Variants in APLF observed in about 807,000 individuals in gnomAD.
APLF encodes the protein aprataxin and PNKP like factor, also known as aprataxin and PNK-like factor.
Under a neutral mutation model 55.6 loss-of-function variants are expected in APLF, and 61 were observed. The observed-to-expected ratio is 1.10, with a 90% confidence interval of 0.89 to 1.36. APLF has a LOEUF of 1.36. APLF is among the 40% of genes most tolerant of loss of function. The probability of loss-of-function intolerance (pLI) is 0.00; values close to 1 mark genes in which losing one functional copy is unlikely to be tolerated. For missense variants in APLF, 611 were observed against 602.5 expected, an observed-to-expected ratio of 1.01 and a Z score of -0.15; for synonymous variants, 207 against 214.8, an observed-to-expected ratio of 0.96 and a Z score of 0.32.
chr2:68,536,388 T>C (rs1409705761), intron 6 of APLF, among the ~76,000 whole-genome samples: 1 of 152,156 alleles, frequency 6.6e-6, no homozygotes, highest in African/African-American at 2.4e-5. Context: ...ATTTAAGCTA[T>C]TGAATATTAG....
intron 1 of APLF, among the ~76,000 whole-genome samples, chr2:68,474,432 T>C (rs1675711433): frequency 6.6e-6 from 1 of 152,202 alleles, no homozygotes; most frequent in Non-Finnish European, 1.5e-5. Context: ...AGATGTCACT[T>C]AACTCATTAG....
chr2:68,527,638 G>T (rs187199749), intron 6 of APLF, among the ~76,000 whole-genome samples: 1 of 150,770 alleles, frequency 6.6e-6, no homozygotes, highest in Admixed American at 6.6e-5. Context: ...GGGCAGAGGC[G>T]CTCCTCACTT....
At chr2:68,567,908 C>T (rs1410328828) in intron 9 of APLF, among the ~76,000 whole-genome samples, 2 of 152,068 alleles carry the variant, frequency 1.3e-5, no homozygotes, top group Admixed American at 6.6e-5. Flanking sequence ...CTTTGACCCT[C>T]ATGATTCCTA....
chr2:68,494,398 C>G (rs764965312), intron 2 of APLF, among the ~76,000 whole-genome samples: 2 of 151,100 alleles, frequency 1.3e-5, no homozygotes, highest in Non-Finnish European at 2.9e-5. Context: ...AGGGAACTTT[C>G]AATCATGGCA....
rs1443517981 is a variant in APLF, at chr2:68,523,995, T to TA, written c.623-2066_623-2065insA. 2.0e-3 allele frequency among the ~76,000 whole-genome samples: 296 copies of TA among 151,548 alleles called. 1 individual carries two copies. Among genetic ancestry groups the TA allele is most frequent in the African/African-American group, 6.8e-3 (282 of 41,434 alleles). On this transcript the variant is annotated intron_variant, in intron 5 of 9. Coordinates refer to ENST00000303795, the MANE Select transcript of APLF (RefSeq NM_173545.3). Reference sequence around the variant, plus strand: ...ACTTGAGTATTTTAAATATATATATTTTTTAATTTTAGAATTTTGAGTACA... The same window carrying TA: ...ACTTGAGTATTTTAAATATATATATTATTTTAATTTTAGAATTTTGAGTACA...
chr2:68,529,318 G>C lies in APLF; in HGVS notation c.804+3076G>C. ...TGAAGAGGAGTGGGAAACAGCCAAA[G>C]AGTCCTGGGGCAGGCACAGGTGCAG... On this transcript the variant is annotated intron_variant, in intron 6 of 9. Coordinates refer to ENST00000303795, the MANE Select transcript of APLF (RefSeq NM_173545.3). This position sits in a 1 kb window ranked among gnomAD's most constrained non-coding sequence, Gnocchi z 4.4. 7.3e-7 allele frequency: 1 copy of C among 1,364,610 alleles called. No individual in the cohort carries two copies. The highest frequency in any genetic ancestry group is 1.5e-5 in the African/African-American group (1 of 68,300). The allele number at this position is 1,364,610 out of a possible 1,614,324, so 84.5% of individuals were successfully genotyped here.
chr2:68,541,812 CAT>C (rs1193014344), intron 7 of APLF, among the ~76,000 whole-genome samples: 10 of 152,084 alleles, frequency 6.6e-5, no homozygotes, highest in African/African-American at 2.4e-4. Context: ...ATTCTAAAAT[CAT>C]GTGGGATCTC....
At chr2:68,574,503 G>A (rs923157775) in intron 9 of APLF, among the ~76,000 whole-genome samples, 1 of 152,136 alleles carries the variant, frequency 6.6e-6, no homozygotes, top group East Asian at 1.9e-4. Context: ...CTCTTCAAGT[G>A]TTTTCACTTA....
At chr2:68,530,173 G>C (rs1670211312) in intron 6 of APLF, among the ~76,000 whole-genome samples, 1 of 152,248 alleles carries the variant, frequency 6.6e-6, no homozygotes, top group Admixed American at 6.5e-5. Flanking sequence ...TTGAACCCGG[G>C]CTGTGCGATT....
chr2:68,503,545 C>T (rs1280587111), intron 3 of APLF, among the ~76,000 whole-genome samples: 1 of 151,998 alleles, frequency 6.6e-6, no homozygotes, highest in East Asian at 1.9e-4. Flanking sequence ...AGTCAGAAAT[C>T]ATTAACAATA....
At position 68,502,790 on chromosome 2, in the gene APLF, G is replaced by A. The variant is rs745435832; in HGVS notation, c.228G>A (p.Lys76=). 2.5e-6 allele frequency: 4 copies of A among 1,605,380 alleles called. No homozygotes were observed. Among genetic ancestry groups the A allele is most frequent in the South Asian group, 1.1e-5 (1 of 89,302 alleles). The part of the protein sequence containing the change: ...SSEKSQLLPL[K]PNLWCYLNPG... ...AGAAGAGTCAGCTCTTACCATTGAA[G>A]CCAAATCTATGGTGCTATTTGAATC... Residue 76 remains lysine (K), a synonymous_variant, in exon 3 of 10, where the codon AAG becomes AAA. Coordinates refer to ENST00000303795, the MANE Select transcript of APLF (RefSeq NM_173545.3).
At chr2:68,518,293 A>G (rs1268760680) in intron 5 of APLF, among the ~76,000 whole-genome samples, 2 of 115,482 alleles carry the variant, frequency 1.7e-5, no homozygotes, top group East Asian at 2.5e-4. Context: ...ATATTAATAT[A>G]TTAATATATT....
chr2:68,567,613 C>G (rs543538354), intron 9 of APLF, among the ~76,000 whole-genome samples: 17 of 152,084 alleles, frequency 1.1e-4, no homozygotes, highest in Non-Finnish European at 2.4e-4. Context: ...CCTTGTATCT[C>G]TTAGGATTCT....
chr2:68,469,374 A>C (rs1675546624), intron 1 of APLF, among the ~76,000 whole-genome samples: 1 of 152,210 alleles, frequency 6.6e-6, no homozygotes, highest in African/African-American at 2.4e-5. Context: ...GAAACATGGC[A>C]ACAGATTGCA....
intron 3 of APLF, among the ~76,000 whole-genome samples, chr2:68,509,544 T>C (rs371069115): frequency 1.8e-4 from 28 of 151,918 alleles, no homozygotes; most frequent in East Asian, 1.5e-3. Context: ...GTTAGAATGG[T>C]GATCATTAAA....
chr2:68,578,089 T>C lies in APLF; in HGVS notation c.*67T>C, dbSNP rs969725039. ...TCTTTGTGGGAAAACATTTATGAAC[T>C]AAGGAGGTACTTAAGTGACAGTTAT... On this transcript the variant is annotated 3_prime_UTR_variant, in exon 10 of 10. Transcript: ENST00000303795. 2.6e-6 allele frequency: 4 copies of C among 1,531,620 alleles called. No individual in the cohort carries two copies. Among genetic ancestry groups the C allele is most frequent in the Non-Finnish European group, 3.5e-6 (4 of 1,141,730 alleles). 94.9% of individuals were successfully genotyped at this position (1,531,620 alleles called of 1,614,324 possible).
chr2:68,518,776 CATT>C (rs1418013573), intron 5 of APLF, among the ~76,000 whole-genome samples: 181 of 100,538 alleles, frequency 1.8e-3, no homozygotes, highest in African/African-American at 6.9e-3. Flanking sequence ...AATAATATAT[CATT>C]ATATAATAAA....
At chr2:68,499,822 A>G (rs1676666912) in intron 2 of APLF, among the ~76,000 whole-genome samples, 1 of 152,182 alleles carries the variant, frequency 6.6e-6, no homozygotes, top group Non-Finnish European at 1.5e-5. Flanking sequence ...TGGGTAACAG[A>G]GCAAGACTCT....
At chr2:68,546,699 A>G (rs1189039606) in intron 8 of APLF, among the ~76,000 whole-genome samples, 2 of 151,914 alleles carry the variant, frequency 1.3e-5, no homozygotes, top group African/African-American at 2.4e-5. Context: ...ACAAACCAAA[A>G]TCAGCATTCA....
Sources: gnomAD v4.1 joint callset for allele counts (sites outside exome capture counted in the v4.1 genomes callset) on GRCh38, gnomAD v4.1.1 for gene constraint, Gnocchi (gnomAD v3.1) non-coding constraint, MANE v1.5 for transcripts, NCBI Gene and HGNC (gene_info 2026-07-23, HGNC 2026-07-21) for gene names.